The following SPOP variants were observed in gnomAD, a reference collection of about 807,000 sequenced individuals.
The protein encoded by SPOP is speckle type BTB/POZ protein.
SPOP carries 11 observed loss-of-function variants against 45.6 expected under a neutral mutation model. The ratio of observed to expected loss-of-function variants is 0.24; its 90% CI spans 0.15 to 0.40. The LOEUF is 0.40. Ranked by LOEUF, SPOP falls within the 10% of genes least tolerant of loss-of-function variation. The pLI is 1.00. For synonymous variants in SPOP, 166 were observed against 166.3 expected, an observed-to-expected ratio of 1.00 and a Z score of 0.01; for missense variants, 152 against 465.6, an observed-to-expected ratio of 0.33 and a Z score of 6.20.
chr17:49,659,247 C>A (rs2072954998), intron 1 of SPOP, among the ~76,000 whole-genome samples: 1 of 152,154 alleles, frequency 6.6e-6, no homozygotes, highest in South Asian at 2.1e-4. Context: ...AAATCTATTT[C>A]TTGATCTACG....
At position 49,665,347 on chromosome 17, in the gene SPOP, G is replaced by GC. The variant is rs2073039418; in HGVS notation, c.-67+12585dup. Among the ~76,000 whole-genome samples the GC allele has an allele frequency of 2.0e-5, 3 of 152,108 alleles. No individual in the cohort carries two copies. The South Asian group carries it at 6.2e-4, about 32-fold the overall frequency. On this transcript the variant is annotated intron_variant, in intron 1 of 9. Coordinates refer to ENST00000504102, the MANE Select transcript of SPOP (RefSeq NM_001007228.2). ...TACCAATTTGGGGCCCGGCGCAGTG[G>GC]CACACACCTGTAATCCCAGCACTTT...
intron 1 of SPOP, among the ~76,000 whole-genome samples, chr17:49,627,073 T>A (rs2072349052): frequency 6.6e-6 from 1 of 152,136 alleles, no homozygotes; most frequent in East Asian, 1.9e-4. Context: ...ATGGTCTCGA[T>A]CTCCTGACCT....
At chr17:49,667,834 G>A (rs1195794637) in intron 1 of SPOP, among the ~76,000 whole-genome samples, 2 of 152,142 alleles carry the variant, frequency 1.3e-5, no homozygotes, top group African/African-American at 4.8e-5. Context: ...TAGCCGAAAG[G>A]TAAAAACAAC....
intron 1 of SPOP, among the ~76,000 whole-genome samples, chr17:49,640,454 C>T (rs1306752658): frequency 3.3e-5 from 5 of 151,870 alleles, no homozygotes; most frequent in African/African-American, 7.3e-5. Context: ...TTTTCTATTA[C>T]GTTCTTTGAA....
chr17:49,615,354 C>T (rs780873078), intron 5 of SPOP, among the ~76,000 whole-genome samples: 18 of 152,058 alleles, frequency 1.2e-4, no homozygotes, highest in Non-Finnish European at 2.4e-4. Flanking sequence ...TTCTTTATTG[C>T]TAATGGCTAT....
intron 1 of SPOP, 48 bp downstream of exon 1, chr17:49,677,885 C>A (rs1208543634): frequency 8.0e-6 from 3 of 374,788 alleles, no homozygotes; most frequent in South Asian, 1.4e-4. Context: ...GCCCCCCCCC[C>A]ACTCCGACAG....
chr17:49,614,742 T>G (rs1304676231), intron 5 of SPOP, among the ~76,000 whole-genome samples: 1 of 152,034 alleles, frequency 6.6e-6, no homozygotes, highest in South Asian at 2.1e-4. Flanking sequence ...GATAAAAAGG[T>G]AAAAATGAAT....
chr17:49,657,211 T>G (rs1387272162), intron 1 of SPOP, among the ~76,000 whole-genome samples: 2 of 151,664 alleles, frequency 1.3e-5, no homozygotes, highest in African/African-American at 2.4e-5. Context: ...AAAAAAAGAA[T>G]AAAGTTGATT....
chr17:49,621,870 T>C, intron 3 of SPOP, 76 bp downstream of exon 3: 2 of 1,509,534 alleles, frequency 1.3e-6, no homozygotes, highest in Admixed American at 3.6e-5. Flanking sequence ...AATTACATTC[T>C]TGTCAGTGTC....
intron 1 of SPOP, among the ~76,000 whole-genome samples, chr17:49,674,397 A>C (rs1020265102): frequency 6.6e-6 from 1 of 152,084 alleles, no homozygotes; most frequent in Non-Finnish European, 1.5e-5. Context: ...ACTATTATTG[A>C]TCTGTTCAGG....
At chr17:49,652,709 A>C (rs983465329) in intron 1 of SPOP, among the ~76,000 whole-genome samples, 1 of 152,182 alleles carries the variant, frequency 6.6e-6, no homozygotes, top group Non-Finnish European at 1.5e-5. Context: ...CAGTAAAACC[A>C]ATTTTAAACA....
At chr17:49,611,487 CT>C in intron 5 of SPOP, 30 bp from the exon 6 acceptor site, 1 of 1,603,608 alleles carries the variant, frequency 6.2e-7, no homozygotes, top group Middle Eastern at 1.7e-4. Flanking sequence ...ACAAGCCAAG[CT>C]TTTGTTACCA....
intron 5 of SPOP, 107 bp downstream of exon 5, chr17:49,618,874 C>T: frequency 7.5e-7 from 1 of 1,339,078 alleles, no homozygotes; most frequent in Non-Finnish European, 1.0e-6. Flanking sequence ...CAGCACTACT[C>T]CACTTGGGGC....
Position 49,673,320 on chromosome 17 carries a change from A to G in SPOP, c.-67+4613T>C, listed in dbSNP as rs1187898126. Among the ~76,000 whole-genome samples the G allele has an allele frequency of 2.0e-5, 3 of 152,160 alleles. No homozygotes were observed. The East Asian group carries it at 5.8e-4, about 29-fold the overall frequency. On this transcript the variant is annotated intron_variant, in intron 1 of 9. Coordinates refer to ENST00000504102, the MANE Select transcript of SPOP (RefSeq NM_001007228.2). ...GGAGATCAAGACCATCCTGGCTAACATGGTGAAACACCATCTCTACTAAAA... is the reference window on the plus strand; with the variant it reads ...GGAGATCAAGACCATCCTGGCTAACGTGGTGAAACACCATCTCTACTAAAA...
chr17:49,602,187 A>G, intron 8 of SPOP, 180 bp from the exon 9 acceptor site: 2 of 652,110 alleles, frequency 3.1e-6, no homozygotes, highest in South Asian at 6.2e-5. Context: ...TAGATGTTTA[A>G]GCTTGAAATG....
At chr17:49,633,056 G>C (rs756663958) in intron 1 of SPOP, among the ~76,000 whole-genome samples, 3 of 152,172 alleles carry the variant, frequency 2.0e-5, no homozygotes, top group Non-Finnish European at 4.4e-5. Context: ...GAACTACTTT[G>C]TAACTGTTGT....
intron 1 of SPOP, among the ~76,000 whole-genome samples, chr17:49,635,471 A>T (rs1342616496): frequency 6.6e-6 from 1 of 152,196 alleles, no homozygotes; most frequent in Admixed American, 6.5e-5. Context: ...CTACAAAGTA[A>T]CAAGTTTTCA....
intron 5 of SPOP, among the ~76,000 whole-genome samples, chr17:49,616,712 C>T (rs2072094115): frequency 1.3e-5 from 2 of 152,168 alleles, no homozygotes; most frequent in Admixed American, 1.3e-4. Context: ...ACAAGTCTCA[C>T]TAGGCATAAG....
chr17:49,630,749 G>C (rs1003989939), intron 1 of SPOP, among the ~76,000 whole-genome samples: 2 of 152,106 alleles, frequency 1.3e-5, no homozygotes, highest in Non-Finnish European at 2.9e-5. Flanking sequence ...ACTGTGCCCA[G>C]CCTGTTTTCA....
Sources: allele counts gnomAD v4.1 joint callset (sites outside exome capture counted in the v4.1 genomes callset), GRCh38; gene constraint gnomAD v4.1.1; transcripts MANE v1.5; gene names NCBI Gene and HGNC (gene_info 2026-07-23, HGNC 2026-07-21).